The following TMEM68 variants were observed in gnomAD, a reference collection of about 807,000 sequenced individuals.
The protein encoded by TMEM68 is transmembrane protein 68.
TMEM68 carries 25 observed loss-of-function variants against 36.9 expected under a neutral mutation model. That is an observed-to-expected ratio of 0.68 (90% confidence interval 0.49 to 0.95). The LOEUF (loss-of-function observed/expected upper bound fraction) is 0.95, where lower values mean the gene tolerates loss of function less well. TMEM68 is among the 40% of genes least tolerant of loss of function. The probability of loss-of-function intolerance (pLI) is 0.00; values close to 1 mark genes in which losing one functional copy is unlikely to be tolerated. For missense variants in TMEM68, 333 were observed against 392.0 expected, an observed-to-expected ratio of 0.85 and a Z score of 1.27; for synonymous variants, 131 against 124.4, an observed-to-expected ratio of 1.05 and a Z score of -0.35.
At chr8:55,757,369 G>A (rs1011724375) in intron 3 of TMEM68, among the ~76,000 whole-genome samples, 7 of 152,110 alleles carry the variant, frequency 4.6e-5, no homozygotes, top group African/African-American at 1.4e-4. Flanking sequence ...AAAGTCCCAC[G>A]GTAGGCTAGT....
At chr8:55,756,019 T>TA (rs1348824688) in intron 4 of TMEM68, among the ~76,000 whole-genome samples, 2 of 152,044 alleles carry the variant, frequency 1.3e-5, no homozygotes, top group African/African-American at 4.8e-5. Context: ...ATGTATAAAA[T>TA]AAAAAATGAG....
At chr8:55,751,847 T>A (rs1304007307) in intron 4 of TMEM68, among the ~76,000 whole-genome samples, 1 of 152,220 alleles carries the variant, frequency 6.6e-6, no homozygotes, top group African/African-American at 2.4e-5. Context: ...CTGGAACTTC[T>A]GAGGACTGAT....
rs1323120087 is a variant in TMEM68, at chr8:55,738,813, A to G, written c.*1319T>C. On this transcript the variant is annotated 3_prime_UTR_variant, in exon 8 of 8. Transcript: ENST00000434581. ...ATTTCACATATCATAAATACACACA[A>G]TACAAAAAGCTATACAAAAACCCTA... The G allele has an allele frequency of 6.6e-6, 1 of 152,626 alleles. No homozygotes were observed. The highest frequency in any genetic ancestry group is 1.5e-5 in the Non-Finnish European group (1 of 68,046). The allele number at this position is 152,626 out of a possible 1,614,324, so 9.5% of individuals were successfully genotyped here. A position where few individuals can be genotyped will look rare whatever the true frequency, so the allele number is the denominator to read the frequency against.
chr8:55,756,277 C>T lies in TMEM68; in HGVS notation c.460G>A (p.Val154Ile), dbSNP rs369281702. ...TTAAAGACAAAGTGATCAGCTACTA[C>T]TCGGCAAGTTCTGCCTTTGTGTATA... ...IFIHKGRTCR[V>I]VADHFVFKIP... The change falls in exon 4 of 8, where the codon GTA becomes ATA. Residue 154 changes from valine to isoleucine, a missense_variant. Coordinates refer to ENST00000434581, the MANE Select transcript of TMEM68 (RefSeq NM_001286657.2). The T allele has an allele frequency of 6.2e-7, 1 of 1,603,978 alleles. No individual in the cohort carries two copies. Among genetic ancestry groups the T allele is most frequent in the African/African-American group, 1.3e-5 (1 of 74,246 alleles).
chr8:55,758,244 A>G (rs1367330067), intron 3 of TMEM68, among the ~76,000 whole-genome samples: 1 of 152,198 alleles, frequency 6.6e-6, no homozygotes, highest in Non-Finnish European at 1.5e-5. Flanking sequence ...GCGCAGCAAT[A>G]AAAGCCAAAT....
chr8:55,761,652 A>G (rs1218621529), intron 3 of TMEM68: 1 of 152,210 alleles, frequency 6.6e-6, no homozygotes, highest in Non-Finnish European at 1.5e-5. Flanking sequence ...ATATTAAGCA[A>G]TTGACAGTGT....
intron 4 of TMEM68, chr8:55,751,616 C>T (rs1304329099): frequency 2.8e-6 from 1 of 352,404 alleles, no homozygotes; most frequent in Non-Finnish European, 5.4e-6. Context: ...ACTGGCAAGA[C>T]CATGATCAAA....
chr8:55,757,557 A>C (rs1297294742), intron 3 of TMEM68, among the ~76,000 whole-genome samples: 2 of 152,016 alleles, frequency 1.3e-5, no homozygotes, highest in African/African-American at 4.8e-5. Context: ...ATAGAAGAAA[A>C]CCTGTCAGGC....
chr8:55,747,499 A>C (rs936513465), intron 5 of TMEM68: 1 of 152,144 alleles, frequency 6.6e-6, no homozygotes, highest in Non-Finnish European at 1.5e-5. Flanking sequence ...AATATAGTTT[A>C]TTTGCTTGTT....
In TMEM68 at chr8:55,742,161, C is replaced by T. The variant is rs534348282; in HGVS notation, c.888+1320G>A. On this transcript the variant is annotated intron_variant, in intron 7 of 7. Transcript: ENST00000434581. ...AAGTCAATGACAAAAAGACAAATAC[C>T]GTATGATTTCACTCATATGAGGTAT... Among the ~76,000 whole-genome samples, 180 of 152,126 alleles carry T rather than the reference C, an allele frequency of 1.2e-3. 1 individual carries two copies. The highest frequency in any genetic ancestry group is 2.3e-3 in the Admixed American group (35 of 15,290).
chr8:55,740,715 C>A (rs572304834), intron 7 of TMEM68, among the ~76,000 whole-genome samples: 2 of 152,086 alleles, frequency 1.3e-5, no homozygotes, highest in African/African-American at 4.8e-5. Context: ...TGTATATTTT[C>A]TTTTATCACC....
intron 1 of TMEM68, among the ~76,000 whole-genome samples, chr8:55,764,234 A>C (rs988148648): frequency 3.3e-5 from 5 of 152,254 alleles, no homozygotes; most frequent in Non-Finnish European, 7.3e-5. Flanking sequence ...TATTTTAAAC[A>C]AAGTTTTCAA....
intron 1 of TMEM68, among the ~76,000 whole-genome samples, chr8:55,769,340 A>AAAAAAAAT (rs1811080336): frequency 6.6e-6 from 1 of 150,628 alleles, no homozygotes; most frequent in Non-Finnish European, 1.5e-5. Flanking sequence ...AAAAAAAAAA[A>AAAAAAAAT]AGATAGGAGA....
At chr8:55,766,268 C>T (rs1343494110) in intron 1 of TMEM68, among the ~76,000 whole-genome samples, 23 of 151,756 alleles carry the variant, frequency 1.5e-4, no homozygotes, top group Admixed American at 1.5e-3. Context: ...AATATGTGCA[C>T]TTGGTGTGGC....
At chr8:55,769,130 G>A (rs1811072137) in intron 1 of TMEM68, among the ~76,000 whole-genome samples, 1 of 150,564 alleles carries the variant, frequency 6.6e-6, no homozygotes, top group Non-Finnish European at 1.5e-5. Context: ...TTTGAGACCA[G>A]CCTGGCCAAC....
chr8:55,759,767 T>G (rs917079766), intron 3 of TMEM68, among the ~76,000 whole-genome samples: 1 of 152,172 alleles, frequency 6.6e-6, no homozygotes, highest in Non-Finnish European at 1.5e-5. Flanking sequence ...CTTTAGAAAT[T>G]TCCTCATTCT....
At chr8:55,757,136 T>C (rs1810630784) in intron 3 of TMEM68, among the ~76,000 whole-genome samples, 1 of 152,194 alleles carries the variant, frequency 6.6e-6, no homozygotes, top group Admixed American at 6.5e-5. Flanking sequence ...AGAAACTCTG[T>C]AGCCACAAGG....
intron 6 of TMEM68, among the ~76,000 whole-genome samples, chr8:55,744,407 G>A (rs907080210): frequency 2.3e-4 from 14 of 60,968 alleles, no homozygotes; most frequent in Admixed American, 1.8e-4. Flanking sequence ...CCTGGTTCAC[G>A]CCATTCTCCT....
intron 3 of TMEM68, chr8:55,761,701 G>A (rs983362232): frequency 3.3e-5 from 5 of 152,146 alleles, no homozygotes; most frequent in South Asian, 2.1e-4. Context: ...TTGTAGGTTC[G>A]TTAAGTATGT....
Sources: allele counts gnomAD v4.1 joint callset (sites outside exome capture counted in the v4.1 genomes callset), GRCh38; gene constraint gnomAD v4.1.1; transcripts MANE v1.5; gene names NCBI Gene and HGNC (gene_info 2026-07-23, HGNC 2026-07-21).